Variants in NKAIN2 observed in about 807,000 individuals in gnomAD.
NKAIN2 encodes sodium/potassium-transporting ATPase subunit beta-1-interacting protein 2.
NKAIN2 carries 14 observed loss-of-function variants against 32.6 expected under a neutral mutation model. The observed-to-expected ratio is 0.43, with a 90% CI of 0.28 to 0.67. NKAIN2 has a LOEUF of 0.67. NKAIN2 is among the 30% of genes least tolerant of loss of function. The probability of loss-of-function intolerance (pLI) is 0.17; values close to 1 mark genes in which losing one functional copy is unlikely to be tolerated. For missense variants in NKAIN2, 198 were observed against 258.3 expected (o/e 0.77, Z 1.60); for synonymous variants, 80 against 87.2 (o/e 0.92, Z 0.46).
chr6:124,028,704 C>A (rs1324199426), intron 1 of NKAIN2, among the ~76,000 whole-genome samples: 2 of 148,222 alleles, frequency 1.3e-5, no homozygotes, highest in African/African-American at 5.0e-5. Context: ...CATGTATACA[C>A]GTGTATATAT....
At position 124,254,389 on chromosome 6, in the gene NKAIN2, G is replaced by A. The variant is rs543391018; in HGVS notation, c.55-28616G>A. 1.1e-4 allele frequency among the ~76,000 whole-genome samples: 17 copies of A among 152,316 alleles called. 1 individual carries two copies. The highest frequency in any genetic ancestry group is 1.0e-3 in the South Asian group (5 of 4,816). Reference sequence around the variant, plus strand: ...GTCAAAGTATTGTACTTTGTTTTATGAAGAGACTGGCTTTTAGGAAATGGT... The same window carrying A: ...GTCAAAGTATTGTACTTTGTTTTATAAAGAGACTGGCTTTTAGGAAATGGT... On this transcript the variant is annotated intron_variant, in intron 1 of 6. Transcript: ENST00000368417.
intron 1 of NKAIN2, among the ~76,000 whole-genome samples, chr6:123,834,017 C>T (rs531179901): frequency 7.9e-5 from 12 of 152,040 alleles, no homozygotes; most frequent in Admixed American, 2.6e-4. Context: ...TGAGCCACCG[C>T]GCCTGGCCAG....
intron 1 of NKAIN2, among the ~76,000 whole-genome samples, chr6:124,058,266 A>T (rs1782760704): frequency 6.6e-6 from 1 of 151,672 alleles, no homozygotes; most frequent in Non-Finnish European, 1.5e-5. Flanking sequence ...AGAGAATGAG[A>T]AAAAGCTTAT....
At chr6:124,388,270 T>A (rs1251944837) in intron 3 of NKAIN2, among the ~76,000 whole-genome samples, 1 of 152,070 alleles carries the variant, frequency 6.6e-6, no homozygotes. Flanking sequence ...TTAGGTTTAT[T>A]TATTATACCC....
intron 3 of NKAIN2, among the ~76,000 whole-genome samples, chr6:124,402,904 A>G (rs967878173): frequency 2.0e-5 from 3 of 152,160 alleles, no homozygotes; most frequent in Admixed American, 6.5e-5. Flanking sequence ...TCCTTGTGAC[A>G]TGCAATTTAC....
intron 3 of NKAIN2, among the ~76,000 whole-genome samples, chr6:124,465,195 C>A (rs112527685): frequency 0.037 from 5,677 of 152,076 alleles, 350 homozygotes; most frequent in African/African-American, 0.13. Flanking sequence ...ATGTTTATTG[C>A]AGCACTGTTC....
chr6:124,664,893 ATGTT>A lies in NKAIN2; in HGVS notation c.474+6510_474+6513del, dbSNP rs778284039. 3.3e-5 allele frequency among the ~76,000 whole-genome samples: 5 copies of A among 151,126 alleles called. No homozygotes were observed. In the East Asian group the frequency reaches 7.8e-4, roughly 23 times the overall value. On this transcript the variant is annotated intron_variant, in intron 4 of 6. Coordinates refer to ENST00000368417, the MANE Select transcript of NKAIN2 (RefSeq NM_001040214.3). ...TCACAAAGAGAAGAAATTACATAAA[ATGTT>A]TGATCTTTAAACAAGAATGTATACG...
Position 124,786,067 on chromosome 6 carries a change from T to A in NKAIN2, c.475-5272T>A, listed in dbSNP as rs543163002. ...ATCACTGTAAAATTTTCTGTCTTGC[T>A]AGGCTGCCTTTTCCCTTTTCTCTGG... is the stretch of plus-strand genomic sequence containing the variant. On this transcript the variant is annotated intron_variant, in intron 4 of 6. Coordinates refer to ENST00000368417, the MANE Select transcript of NKAIN2 (RefSeq NM_001040214.3). Among the ~76,000 whole-genome samples, 107 of 152,242 alleles carry A rather than the reference T, an allele frequency of 7.0e-4. 1 individual carries two copies. The highest frequency in any genetic ancestry group is 2.4e-3 in the African/African-American group (99 of 41,558).
chr6:123,918,044 A>G (rs1011029729), intron 1 of NKAIN2, among the ~76,000 whole-genome samples: 1 of 152,216 alleles, frequency 6.6e-6, no homozygotes, highest in Non-Finnish European at 1.5e-5. Context: ...TGTCCTTATT[A>G]TATGACTATA....
intron 4 of NKAIN2, among the ~76,000 whole-genome samples, chr6:124,672,701 T>A (rs1773164056): frequency 6.6e-6 from 1 of 152,018 alleles, no homozygotes. Flanking sequence ...GGGAAAGGAA[T>A]AGATATAACT....
At chr6:123,834,831 AT>A (rs1445901868) in intron 1 of NKAIN2, among the ~76,000 whole-genome samples, 1 of 151,916 alleles carries the variant, frequency 6.6e-6, no homozygotes, top group East Asian at 1.9e-4. Flanking sequence ...TGATCATTTG[AT>A]TTTTATTTAT....
At chr6:124,801,236 T>A (rs560747024) in intron 5 of NKAIN2, among the ~76,000 whole-genome samples, 1 of 152,334 alleles carries the variant, frequency 6.6e-6, no homozygotes, top group Admixed American at 6.5e-5. Context: ...TGGAAATAAC[T>A]CCTTTACACT....
chr6:124,805,266 C>A (rs975354939), intron 5 of NKAIN2, among the ~76,000 whole-genome samples: 3 of 152,192 alleles, frequency 2.0e-5, no homozygotes, highest in African/African-American at 7.2e-5. Context: ...TGACATCTCA[C>A]ACGGCCGGGT....
At chr6:123,857,911 G>A (rs1353913497) in intron 1 of NKAIN2, among the ~76,000 whole-genome samples, 1 of 150,366 alleles carries the variant, frequency 6.7e-6, no homozygotes, top group African/African-American at 2.4e-5. Context: ...ACAGATTATT[G>A]GCCTGACAAG....
chr6:124,088,903 A>T (rs79382240), intron 1 of NKAIN2, among the ~76,000 whole-genome samples: 2,956 of 152,160 alleles, frequency 0.019, 89 homozygotes, highest in African/African-American at 0.065. Context: ...ATATGTTGGC[A>T]TAGAAAACTA....
intron 2 of NKAIN2, among the ~76,000 whole-genome samples, chr6:124,314,210 A>G (rs1426517900): frequency 1.3e-5 from 2 of 152,046 alleles, no homozygotes; most frequent in Admixed American, 6.6e-5. Context: ...TTCTTCCTCA[A>G]CATCCATTAC....
At chr6:124,799,003 A>C (rs919370395) in intron 5 of NKAIN2, among the ~76,000 whole-genome samples, 1 of 152,234 alleles carries the variant, frequency 6.6e-6, no homozygotes, top group African/African-American at 2.4e-5. Context: ...CTTGACCTTT[A>C]TGGAAACTGC....
At chr6:124,108,630 G>T (rs1247600591) in intron 1 of NKAIN2, among the ~76,000 whole-genome samples, 1 of 151,984 alleles carries the variant, frequency 6.6e-6, no homozygotes, top group African/African-American at 2.4e-5. Flanking sequence ...AAATATCAAG[G>T]AGCTTCCTCC....
chr6:124,743,985 C>A (rs1426285065), intron 4 of NKAIN2, among the ~76,000 whole-genome samples: 1 of 151,638 alleles, frequency 6.6e-6, no homozygotes, highest in African/African-American at 2.4e-5. Flanking sequence ...AAAAACTACC[C>A]AGTAGACAAA....
Sources: allele counts gnomAD v4.1 joint callset (sites outside exome capture counted in the v4.1 genomes callset), GRCh38; gene constraint gnomAD v4.1.1; transcripts MANE v1.5; gene names NCBI Gene and HGNC (gene_info 2026-07-23, HGNC 2026-07-21).